Variants in CMTM4 observed in about 807,000 individuals in gnomAD.
CMTM4 encodes the protein CKLF like MARVEL transmembrane domain containing 4.
A neutral mutation model predicts 19.0 loss-of-function variants in CMTM4; 8 were observed. The ratio of observed to expected loss-of-function variants is 0.42; its 90% CI spans 0.25 to 0.76. The LOEUF is 0.76. CMTM4 is among the 30% of genes least tolerant of loss of function. The probability of loss-of-function intolerance (pLI) is 0.27; values close to 1 mark genes in which losing one functional copy is unlikely to be tolerated. For missense variants in CMTM4, 228 were observed against 290.2 expected, an observed-to-expected ratio of 0.79 and a Z score of 1.56; for synonymous variants, 106 against 121.1, an observed-to-expected ratio of 0.88 and a Z score of 0.82.
chr16:66,690,905 G>C (rs901752072), intron 1 of CMTM4, among the ~76,000 whole-genome samples: 1 of 151,992 alleles, frequency 6.6e-6, no homozygotes, highest in African/African-American at 2.4e-5. Flanking sequence ...TCAGGAGTTC[G>C]AGATTAGCCT....
Position 66,696,460 on chromosome 16 carries a change from G to T in CMTM4, c.66C>A (p.Gly22=). 2 of 1,336,500 alleles carry T rather than the reference G, an allele frequency of 1.5e-6. No individual in the cohort carries two copies. Among genetic ancestry groups the T allele is most frequent in the Non-Finnish European group, 1.9e-6 (2 of 1,043,396 alleles). The allele number at this position is 1,336,500 out of a possible 1,614,324, so 82.8% of individuals were successfully genotyped here. ...GEASSTSMIS[G]ASSPYQPTTE... is the part of the protein sequence containing the mutation. ...TGGTGGGCTGGTACGGGCTGCTGGCGCCCGAGATCATGGAGGTGCTCGAGG... is the reference window on the plus strand; with the variant it reads ...TGGTGGGCTGGTACGGGCTGCTGGCTCCCGAGATCATGGAGGTGCTCGAGG... Residue 22 remains glycine (G), a synonymous_variant, in exon 1 of 4, where the codon GGC becomes GGA. Coordinates refer to ENST00000394106, the MANE Select transcript of CMTM4 (RefSeq NM_181521.3). This position sits in a 1 kb window ranked among gnomAD's most constrained non-coding sequence, Gnocchi z 4.3.
Position 66,668,082 on chromosome 16 carries a change from A to G in CMTM4, c.186+28258T>C, listed in dbSNP as rs138399413. On this transcript the variant is annotated intron_variant, in intron 1 of 3. Transcript: ENST00000394106. ...CAGTGGCAGAATTATTGCTCACTGA[A>G]GCCTCCAACTGCTCAGCTCAAGGGT... Among the ~76,000 whole-genome samples the G allele has an allele frequency of 4.2e-4, 64 of 152,132 alleles. No homozygotes were observed. The East Asian group carries it at 9.7e-3, about 23-fold the overall frequency.
the CMTM4 span, chr16:66,608,212 G>T: frequency 7.2e-7 from 1 of 1,388,790 alleles, no homozygotes; most frequent in Non-Finnish European, 9.9e-7. The surrounding 1 kb of genome is among the most constrained non-coding windows in gnomAD (Gnocchi z 5.1). Flanking sequence ...TCCCCTGCTG[G>T]AACCTCCTCT....
At chr16:66,658,537 G>A (rs981909981) in intron 1 of CMTM4, among the ~76,000 whole-genome samples, 9 of 152,134 alleles carry the variant, frequency 5.9e-5, no homozygotes, top group African/African-American at 1.9e-4. Flanking sequence ...ATCTATGCCA[G>A]TGGCTCATAT....
chr16:66,648,429 C>T (rs2016246833), intron 1 of CMTM4, among the ~76,000 whole-genome samples: 1 of 152,148 alleles, frequency 6.6e-6, no homozygotes, highest in South Asian at 2.1e-4. Context: ...GAGGCCGAGG[C>T]TGGTGGATCA....
chr16:66,695,430 C>A (rs1299261708), intron 1 of CMTM4, among the ~76,000 whole-genome samples: 1 of 152,166 alleles, frequency 6.6e-6, no homozygotes, highest in East Asian at 1.9e-4. Context: ...CCTCAGAAGG[C>A]CTACCTGTGA....
intron 2 of CMTM4, among the ~76,000 whole-genome samples, chr16:66,635,568 A>G (rs2015974954): frequency 6.6e-6 from 1 of 152,024 alleles, no homozygotes; most frequent in African/African-American, 2.4e-5. Flanking sequence ...GTGGCTCCCA[A>G]TCTCAGGCAA....
At position 66,622,147 on chromosome 16, in the gene CMTM4, G is replaced by A. The variant is rs774180347; in HGVS notation, c.538C>T (p.Arg180Cys). The A allele has an allele frequency of 8.7e-6, 14 of 1,613,244 alleles. No individual in the cohort carries two copies. The highest frequency in any genetic ancestry group is 1.7e-5 in the Admixed American group (1 of 59,880). The change falls in exon 4 of 4, where the codon CGC (arginine) becomes TGC (cysteine). Residue 180 changes from arginine to cysteine, a missense_variant. By Grantham distance (180) the Arg-to-Cys change is radical. Transcript: ENST00000394106. This position sits in a 1 kb window ranked among gnomAD's most constrained non-coding sequence, Gnocchi z 4.0. ...LAVQKWRVSV[R>C]QQSTNDYIRA... ...ATGTAGTCATTGGTGCTCTGCTGGC[G>A]GACGCTGACTCTCCATTTCTGCACT...
intron 1 of CMTM4, among the ~76,000 whole-genome samples, chr16:66,692,439 A>G (rs1249811415): frequency 6.6e-6 from 1 of 152,174 alleles, no homozygotes; most frequent in African/African-American, 2.4e-5. Flanking sequence ...TTTAATGTAC[A>G]CGTGGATCAC....
In CMTM4 at chr16:66,617,186, A is replaced by AT; in HGVS notation, c.*4871dup. ...GGTGTCTAGATAGCAAGTCACCTGAATTAAAGCCTCAGCATAAAAAAACAA... is the reference window on the plus strand; with the variant it reads ...GGTGTCTAGATAGCAAGTCACCTGAATTTAAAGCCTCAGCATAAAAAAACAA... On this transcript the variant is annotated 3_prime_UTR_variant, in exon 4 of 4. Coordinates refer to ENST00000394106, the MANE Select transcript of CMTM4 (RefSeq NM_181521.3). 2 of 1,314,358 alleles carry AT rather than the reference A, an allele frequency of 1.5e-6. No homozygotes were observed. The highest frequency in any genetic ancestry group is 4.2e-5 in the Admixed American group (2 of 47,950). The allele number at this position is 1,314,358 out of a possible 1,614,324, so 81.4% of individuals were successfully genotyped here.
rs1034000242 is a variant in CMTM4, at chr16:66,621,158, A to T, written c.*900T>A. On this transcript the variant is annotated 3_prime_UTR_variant, in exon 4 of 4. Transcript: ENST00000394106. Reference sequence around the variant, plus strand: ...CTAAAATAGAGGGGTGTGTGTGTGCATGTGTGCGCGCACGCGTGTGCATGC... The same window carrying T: ...CTAAAATAGAGGGGTGTGTGTGTGCTTGTGTGCGCGCACGCGTGTGCATGC... 9 of 985,620 alleles carry T rather than the reference A, an allele frequency of 9.1e-6. No individual in the cohort carries two copies. The African/African-American group carries it at 1.6e-4, about 17-fold the overall frequency. 61.1% of individuals were successfully genotyped at this position (985,620 alleles called of 1,614,324 possible). A position where few individuals can be genotyped will look rare whatever the true frequency, so the allele number is the denominator to read the frequency against.
chr16:66,688,412 A>C (rs917337810), intron 1 of CMTM4, among the ~76,000 whole-genome samples: 2 of 152,074 alleles, frequency 1.3e-5, no homozygotes, highest in African/African-American at 4.8e-5. Context: ...TACAATCCCC[A>C]AGTGAGAGAC....
the CMTM4 span, among the ~76,000 whole-genome samples, chr16:66,598,402 A>G: frequency 1.3e-5 from 2 of 152,030 alleles, no homozygotes; most frequent in Non-Finnish European, 2.9e-5. Flanking sequence ...GTTCAGTGCC[A>G]TATTTTGCTT....
intron 1 of CMTM4, among the ~76,000 whole-genome samples, chr16:66,660,476 G>A (rs2016481388): frequency 6.6e-6 from 1 of 151,300 alleles, no homozygotes; most frequent in African/African-American, 2.4e-5. Context: ...ATGTTGTAAA[G>A]TCTATTGATA....
the CMTM4 span, among the ~76,000 whole-genome samples, chr16:66,607,461 A>G: frequency 1.3e-5 from 2 of 152,180 alleles, no homozygotes; most frequent in South Asian, 4.1e-4. Context: ...AAAACTCCAA[A>G]AGATTTTTTT....
chr16:66,683,176 C>CGT (rs1555502512), intron 1 of CMTM4, among the ~76,000 whole-genome samples: 34 of 106,014 alleles, frequency 3.2e-4, no homozygotes, highest in Admixed American at 6.6e-4. Context: ...TATATATATA[C>CGT]ATATGTATAT....
At chr16:66,605,224 G>A in the CMTM4 span, 5 of 339,812 alleles carry the variant, frequency 1.5e-5, no homozygotes, top group Admixed American at 5.0e-5. This position sits in a 1 kb window ranked among gnomAD's most constrained non-coding sequence, Gnocchi z 4.6. Flanking sequence ...GGGGCCCGGG[G>A]ATGTGGGTCC....
intron 1 of CMTM4, among the ~76,000 whole-genome samples, chr16:66,685,933 C>G (rs1408282045): frequency 6.6e-6 from 1 of 152,178 alleles, no homozygotes; most frequent in Non-Finnish European, 1.5e-5. Flanking sequence ...GCATGAGCCA[C>G]TGCGCCTGGC....
In CMTM4 at chr16:66,651,828, A is replaced by C. The variant is rs72790472; in HGVS notation, c.187-15247T>G. Among the ~76,000 whole-genome samples, 677 of 152,318 alleles carry C rather than the reference A, an allele frequency of 4.4e-3. 5 individuals carry two copies. Among genetic ancestry groups the C allele is most frequent in the Middle Eastern group, 0.02 (6 of 294 alleles). On this transcript the variant is annotated intron_variant, in intron 1 of 3. Transcript: ENST00000394106. ...GGGAGGCCATCCCATGAGGATGATAAACTTAAAATATCACCCTCCTCTCCC... is the reference window on the plus strand; with the variant it reads ...GGGAGGCCATCCCATGAGGATGATACACTTAAAATATCACCCTCCTCTCCC...
Sources: gnomAD v4.1 joint callset for allele counts (sites outside exome capture counted in the v4.1 genomes callset) on GRCh38, gnomAD v4.1.1 for gene constraint, Gnocchi (gnomAD v3.1) non-coding constraint, MANE v1.5 for transcripts, NCBI Gene and HGNC (gene_info 2026-07-23, HGNC 2026-07-21) for gene names.